Variants in C1orf94 observed in about 807,000 individuals in gnomAD.
C1orf94 encodes the protein chromosome 1 open reading frame 94, also known as uncharacterized protein C1orf94.
Under a neutral mutation model 53.6 loss-of-function variants are expected in C1orf94, and 45 were observed. That is an observed-to-expected ratio of 0.84 (90% CI 0.66 to 1.08). The LOEUF (loss-of-function observed/expected upper bound fraction) is 1.08. Ranked by LOEUF, C1orf94 falls within the 50% of genes least tolerant of loss-of-function variation. The probability of loss-of-function intolerance (pLI) is 0.00; values close to 1 mark genes in which losing one functional copy is unlikely to be tolerated. For synonymous variants in C1orf94, 304 were observed against 296.1 expected (o/e 1.03, Z -0.27); for missense variants, 762 against 738.9 (o/e 1.03, Z -0.36).
chr1:34,206,531 G>A (rs893795383), intron 4 of C1orf94, among the ~76,000 whole-genome samples: 8 of 152,202 alleles, frequency 5.3e-5, no homozygotes, highest in Middle Eastern at 3.2e-3. Flanking sequence ...GCACACAAAC[G>A]ATATCCATGC....
At chr1:34,183,621 G>A (rs1322486548) in intron 1 of C1orf94, among the ~76,000 whole-genome samples, 1 of 152,140 alleles carries the variant, frequency 6.6e-6, no homozygotes, top group South Asian at 2.1e-4. Context: ...TTGGGAGGCC[G>A]AGGTGGGTGG....
At chr1:34,202,793 C>T (rs942340342) in intron 4 of C1orf94, among the ~76,000 whole-genome samples, 4 of 152,182 alleles carry the variant, frequency 2.6e-5, no homozygotes, top group African/African-American at 9.7e-5. Context: ...GTTTGGACAA[C>T]AAATTACAGT....
rs764646311 is a variant in C1orf94 at position 34,201,050 on chromosome 1, G to T, written c.1270+18G>T. The T allele has an allele frequency of 9.6e-6, 15 of 1,566,058 alleles. No individual in the cohort carries two copies. In the East Asian group the frequency reaches 3.6e-4, roughly 37 times the overall value. ...GCTGAAATGTGAGCTGACCTACCCAGGGAGGGATTGGAGGGGAGGGGGTTG... is the reference window on the plus strand; with the variant it reads ...GCTGAAATGTGAGCTGACCTACCCATGGAGGGATTGGAGGGGAGGGGGTTG... On this transcript the variant is annotated intron_variant, in intron 3 of 6. Coordinates refer to ENST00000488417, the MANE Select transcript of C1orf94 (RefSeq NM_001134734.2).
chr1:34,171,505 C>A (rs184171), intron 1 of C1orf94, among the ~76,000 whole-genome samples: 151,845 of 152,338 alleles, frequency 1, 75,676 homozygotes, highest in Middle Eastern at 1. Context: ...GTGCTCAGTA[C>A]TGTTTGTGGA....
At chr1:34,176,804 G>A (rs975581427), upstream of C1orf94, among the ~76,000 whole-genome samples, 2 of 152,148 alleles carry the variant, frequency 1.3e-5, no homozygotes, top group Admixed American at 6.5e-5. Context: ...GCGGCGGCGC[G>A]TTTGGCTTTG....
At chr1:34,210,280 C>T (rs530499780) in intron 5 of C1orf94, among the ~76,000 whole-genome samples, 1 of 152,192 alleles carries the variant, frequency 6.6e-6, no homozygotes, top group Non-Finnish European at 1.5e-5. Flanking sequence ...GCGAGGTGCT[C>T]TTGGCATGTT....
chr1:34,200,713 T>C, intron 2 of C1orf94, 59 bp from the exon 3 acceptor site: 1 of 1,599,050 alleles, frequency 6.3e-7, no homozygotes, highest in Non-Finnish European at 8.5e-7. Flanking sequence ...AAAAAGGTGC[T>C]TCCAGCATCC....
intron 5 of C1orf94, among the ~76,000 whole-genome samples, chr1:34,211,606 A>C (rs780518448): frequency 6.6e-6 from 1 of 152,168 alleles, no homozygotes; most frequent in Non-Finnish European, 1.5e-5. Flanking sequence ...TATAATTCAA[A>C]ACTCAGTTCC....
intron 2 of C1orf94, 27 bp from the exon 3 acceptor site, chr1:34,200,745 A>G (rs746083708): frequency 1.8e-5 from 29 of 1,613,070 alleles, no homozygotes; most frequent in Non-Finnish European, 2.4e-5. Context: ...TTCCAGAGGC[A>G]TTGACTCAGT....
In C1orf94 at chr1:34,191,624, C is replaced by T. The variant is rs536720659; in HGVS notation, c.321-5601C>T. Among the ~76,000 whole-genome samples, 27 of 152,274 alleles carry T rather than the reference C, an allele frequency of 1.8e-4. No homozygotes were observed. The South Asian group carries it at 3.3e-3, about 19-fold the overall frequency. ...CAGAGCCCTCCACTTCACTCTAATCCGCCAGGTTGCCTTGGGTACTGTGTT... is the reference window on the plus strand; with the variant it reads ...CAGAGCCCTCCACTTCACTCTAATCTGCCAGGTTGCCTTGGGTACTGTGTT... On this transcript the variant is annotated intron_variant, in intron 1 of 6. Coordinates refer to ENST00000488417, the MANE Select transcript of C1orf94 (RefSeq NM_001134734.2).
At chr1:34,198,700 C>A (rs974867764) in intron 2 of C1orf94, among the ~76,000 whole-genome samples, 1 of 152,206 alleles carries the variant, frequency 6.6e-6, no homozygotes, top group Non-Finnish European at 1.5e-5. Context: ...CTGAGAGACA[C>A]CCGTATTGGG....
intron 4 of C1orf94, 87 bp from the exon 5 acceptor site, chr1:34,208,070 G>A: frequency 7.4e-7 from 1 of 1,352,458 alleles, no homozygotes; most frequent in South Asian, 1.3e-5. Context: ...GACAAACTCA[G>A]TCCTGTCTGG....
Position 34,202,122 on chromosome 1 carries a change from A to C in C1orf94, c.1309A>C (p.Lys437Gln), listed in dbSNP as rs757921925. The change falls in exon 4 of 7, where the codon AAG becomes CAG. Residue 437 changes from lysine (K) to glutamine (Q), a missense_variant. By Grantham distance (53) the Lys-to-Gln change is moderately conservative. Transcript: ENST00000488417. Reference protein sequence around the residue: ...PVTVADKNNPKYTGNVFTPHF... With the variant: ...PVTVADKNNPQYTGNVFTPHF... ...GACGGTTGCTGACAAGAACAACCCG[A>C]AGTACACAGGGAATGTTTTCACTCC... 29 of 1,614,100 alleles carry C rather than the reference A, an allele frequency of 1.8e-5. 1 individual carries two copies. In the South Asian group the frequency reaches 2.7e-4, roughly 15 times the overall value.
chr1:34,192,086 C>A (rs1158898942), intron 1 of C1orf94, among the ~76,000 whole-genome samples: 1 of 152,116 alleles, frequency 6.6e-6, no homozygotes, highest in Non-Finnish European at 1.5e-5. Context: ...GTGATAGAGT[C>A]TGTGATAGAT....
intron 1 of C1orf94, among the ~76,000 whole-genome samples, chr1:34,186,310 G>A (rs1642385072): frequency 6.6e-6 from 1 of 152,218 alleles, no homozygotes; most frequent in Non-Finnish European, 1.5e-5. Flanking sequence ...TACTATGGAA[G>A]CAAATGAAAT....
intron 5 of C1orf94, among the ~76,000 whole-genome samples, chr1:34,211,466 C>A (rs1412932148): frequency 1.3e-5 from 2 of 152,294 alleles, no homozygotes; most frequent in Non-Finnish European, 2.9e-5. Flanking sequence ...GGAAGCACCA[C>A]TGAATTCCTG....
At chr1:34,181,593 C>T (rs1026235956) in intron 1 of C1orf94, among the ~76,000 whole-genome samples, 1 of 152,212 alleles carries the variant, frequency 6.6e-6, no homozygotes, top group Non-Finnish European at 1.5e-5. Context: ...TCCCTGCCTT[C>T]CTAGAGCTCA....
At chr1:34,218,638 G>T in intron 6 of C1orf94, 48 bp from the exon 7 acceptor site, 1 of 1,450,682 alleles carries the variant, frequency 6.9e-7, no homozygotes, top group Non-Finnish European at 9.5e-7. Context: ...AATTCTCTCC[G>T]ATAACATTAG....
upstream of C1orf94, among the ~76,000 whole-genome samples, chr1:34,174,753 A>T (rs993735190): frequency 6.6e-6 from 1 of 152,224 alleles, no homozygotes; most frequent in Non-Finnish European, 1.5e-5. Context: ...TCTGTTGTTT[A>T]AGCCACACAG....
Sources: gnomAD v4.1 joint callset for allele counts (sites outside exome capture counted in the v4.1 genomes callset) on GRCh38, gnomAD v4.1.1 for gene constraint, MANE v1.5 for transcripts, NCBI Gene and HGNC (gene_info 2026-07-23, HGNC 2026-07-21) for gene names.